Variants in TRPC3 observed in about 807,000 individuals in gnomAD.
The protein encoded by TRPC3 is short transient receptor potential channel 3.
A neutral mutation model predicts 90.9 loss-of-function variants in TRPC3; 54 were observed. That is an observed-to-expected ratio of 0.59 (90% CI 0.48 to 0.75). The LOEUF is 0.75. Among genes scored for constraint, TRPC3 ranks in the 30% least tolerant of loss-of-function variants. The probability of loss-of-function intolerance (pLI) is 0.00; values close to 1 mark genes in which losing one functional copy is unlikely to be tolerated. For synonymous variants in TRPC3, 424 were observed against 450.9 expected (o/e 0.94, Z 0.75); for missense variants, 918 against 1,194.5 (o/e 0.77, Z 3.41).
rs1727722470 is a variant in TRPC3 at position 121,874,868 on chromosome 4, C to G, written c.*4868G>C. 6.6e-6 allele frequency among the ~76,000 whole-genome samples: 1 copy of G among 152,060 alleles called. No individual in the cohort carries two copies. Among genetic ancestry groups the G allele is most frequent in the South Asian group, 2.1e-4 (1 of 4,828 alleles). On this transcript the variant is annotated 3_prime_UTR_variant, in exon 12 of 12. Transcript: ENST00000379645. ...AAGGAAAAAAGCAGATATGGTGTTA[C>G]ATGCCTGTAGTCTCAGCTATTTGAA... is the stretch of plus-strand genomic sequence containing the variant.
intron 3 of TRPC3, among the ~76,000 whole-genome samples, chr4:121,921,919 G>GTTT (rs1188029866): frequency 1.2e-4 from 14 of 115,570 alleles, no homozygotes; most frequent in Non-Finnish European, 2.4e-4. Context: ...GTTTTTTTTT[G>GTTT]TTTTTTTTTT....
At chr4:121,925,382 A>G (rs1729668600) in intron 2 of TRPC3, among the ~76,000 whole-genome samples, 176 bp from the exon 3 acceptor site, 1 of 152,188 alleles carries the variant, frequency 6.6e-6, no homozygotes, top group African/African-American at 2.4e-5. Flanking sequence ...CCAACCCTTT[A>G]GCCAGGTTTC....
At chr4:121,884,741 T>C (rs1326890670) in intron 10 of TRPC3, among the ~76,000 whole-genome samples, 3 of 152,214 alleles carry the variant, frequency 2.0e-5, no homozygotes. Flanking sequence ...TTGAATTTTG[T>C]AGAATCTAGA....
At chr4:121,937,384 G>C (rs529167940) in intron 1 of TRPC3, among the ~76,000 whole-genome samples, 1 of 152,308 alleles carries the variant, frequency 6.6e-6, no homozygotes, top group East Asian at 1.9e-4. Context: ...GAAATAATAT[G>C]TTTGAGCAGC....
At chr4:121,890,622 T>C (rs1728290674) in intron 10 of TRPC3, among the ~76,000 whole-genome samples, 1 of 152,032 alleles carries the variant, frequency 6.6e-6, no homozygotes, top group African/African-American at 2.4e-5. Flanking sequence ...TTCAAAATAA[T>C]GGAGCAGAAA....
intron 2 of TRPC3, 80 bp from the exon 3 acceptor site, chr4:121,925,286 G>C (rs1729664030): frequency 2.8e-6 from 4 of 1,424,906 alleles, no homozygotes. Context: ...ATTAGAAAAA[G>C]GTATCCCTTC....
intron 2 of TRPC3, among the ~76,000 whole-genome samples, chr4:121,928,692 T>C (rs1004826903): frequency 1.3e-5 from 2 of 152,228 alleles, no homozygotes; most frequent in African/African-American, 2.4e-5. Flanking sequence ...GCACACCTTA[T>C]AGAGCAGAAC....
chr4:121,881,503 G>A (rs1212465645), intron 11 of TRPC3, among the ~76,000 whole-genome samples: 1 of 152,058 alleles, frequency 6.6e-6, no homozygotes, highest in East Asian at 1.9e-4. Flanking sequence ...ACCATGATTA[G>A]ATTTTTGCTA....
rs2149161219 is a variant in TRPC3 at position 121,951,483 on chromosome 4, G to C, written c.198C>G (p.Phe66Leu). 1 of 1,320,506 alleles carries C rather than the reference G, an allele frequency of 7.6e-7. No individual in the cohort carries two copies. Among genetic ancestry groups the C allele is most frequent in the Non-Finnish European group, 9.6e-7 (1 of 1,036,778 alleles). The allele number at this position is 1,320,506 out of a possible 1,614,324, so 81.8% of individuals were successfully genotyped here. ...REPHGYCPPPFSHGPDLSMEG... is the reference protein window; with the variant it reads ...REPHGYCPPPLSHGPDLSMEG... ...GTACTCACAGGTCCGGCCCGTGGGA[G>C]AAGGGCGGCGGGCAGTAGCCGTGCG... The change falls in exon 1 of 12, where the codon TTC becomes TTG. Residue 66 changes from phenylalanine (F) to leucine (L), a missense_variant. Coordinates refer to ENST00000379645, the MANE Select transcript of TRPC3 (RefSeq NM_001130698.2). The surrounding 1 kb of genome is among the most constrained non-coding windows in gnomAD (Gnocchi z 4.4).
intron 3 of TRPC3, among the ~76,000 whole-genome samples, chr4:121,920,315 A>G (rs1729457954): frequency 6.6e-6 from 1 of 152,060 alleles, no homozygotes. Flanking sequence ...TGAGGTCAGG[A>G]GTTCAAGACC....
chr4:121,894,558 T>TTG (rs1170747213), intron 10 of TRPC3, among the ~76,000 whole-genome samples: 2 of 127,634 alleles, frequency 1.6e-5, no homozygotes, highest in Non-Finnish European at 3.4e-5. Context: ...ACATTCTGTT[T>TTG]TTTTTTTTTT....
At chr4:121,894,332 T>C (rs1162570338) in intron 10 of TRPC3, among the ~76,000 whole-genome samples, 1 of 151,982 alleles carries the variant, frequency 6.6e-6, no homozygotes, top group East Asian at 1.9e-4. Flanking sequence ...ATGCACCCAA[T>C]ACTAGAGCAC....
chr4:121,880,651 G>T (rs1578590818), intron 11 of TRPC3, among the ~76,000 whole-genome samples: 1 of 152,146 alleles, frequency 6.6e-6, no homozygotes, highest in Non-Finnish European at 1.5e-5. Context: ...GGTTAAAAAA[G>T]AAAAGAAAAG....
At chr4:121,897,834 A>G (rs975097803) in intron 10 of TRPC3, among the ~76,000 whole-genome samples, 5 of 152,208 alleles carry the variant, frequency 3.3e-5, no homozygotes, top group African/African-American at 1.2e-4. Flanking sequence ...TCATTATATC[A>G]AAGAGACAAC....
intron 7 of TRPC3, 29 bp from the exon 8 acceptor site, chr4:121,904,546 T>C: frequency 3.4e-6 from 5 of 1,488,818 alleles, no homozygotes; most frequent in Non-Finnish European, 3.6e-6. Flanking sequence ...ACAAAGTAAG[T>C]AAGTTAACAG....
rs1427685309 is a variant in TRPC3, at chr4:121,878,021, A to G, written c.*1715T>C. 6.6e-6 allele frequency among the ~76,000 whole-genome samples: 1 copy of G among 152,234 alleles called. No homozygotes were observed. Among genetic ancestry groups the G allele is most frequent in the Non-Finnish European group, 1.5e-5 (1 of 68,032 alleles). Reference sequence around the variant, plus strand: ...GAATCCTGGACCATACTATAAAACTATCAGAAACATCTATTATAGAAACTT... The same window carrying G: ...GAATCCTGGACCATACTATAAAACTGTCAGAAACATCTATTATAGAAACTT... On this transcript the variant is annotated 3_prime_UTR_variant, in exon 12 of 12. Transcript: ENST00000379645.
In TRPC3 at chr4:121,882,355, T is replaced by C; in HGVS notation, c.2622A>G (p.Glu874=). ...ATTTTTTAAGTTGGAGATGCTTACC[T>C]TCATTAACTTCATCATTTTCTTTGT... ...QVDKENDEVN[E]GELKEIKQDI... Residue 874 remains glutamate, a splice_region_variant and synonymous_variant, in exon 11 of 12, where the codon GAA becomes GAG. Coordinates refer to ENST00000379645, the MANE Select transcript of TRPC3 (RefSeq NM_001130698.2). 2 of 1,607,756 alleles carry C rather than the reference T, an allele frequency of 1.2e-6. No individual in the cohort carries two copies. Among genetic ancestry groups the C allele is most frequent in the Non-Finnish European group, 1.7e-6 (2 of 1,177,816 alleles).
chr4:121,920,603 G>A (rs933398169), intron 3 of TRPC3, among the ~76,000 whole-genome samples: 1 of 152,134 alleles, frequency 6.6e-6, no homozygotes, highest in Admixed American at 6.5e-5. Flanking sequence ...CAGGCAGATG[G>A]TTGCTCTTTT....
At chr4:121,926,329 C>T (rs1339448487) in intron 2 of TRPC3, among the ~76,000 whole-genome samples, 1 of 152,054 alleles carries the variant, frequency 6.6e-6, no homozygotes, top group Admixed American at 6.5e-5. Flanking sequence ...TCCCTGAATA[C>T]ACACATAGTT....
Sources: allele counts gnomAD v4.1 joint callset (sites outside exome capture counted in the v4.1 genomes callset), GRCh38; gene constraint gnomAD v4.1.1; non-coding constraint Gnocchi (gnomAD v3.1); transcripts MANE v1.5; gene names NCBI Gene and HGNC (gene_info 2026-07-23, HGNC 2026-07-21).